Variants in REXO5 observed in about 807,000 individuals in gnomAD.
The protein encoded by REXO5 is RNA exonuclease 5.
A neutral mutation model predicts 88.5 loss-of-function variants in REXO5; 48 were observed. The ratio of observed to expected loss-of-function variants is 0.54; its 90% confidence interval spans 0.43 to 0.69. The LOEUF (loss-of-function observed/expected upper bound fraction) is 0.69, where lower values mean the gene tolerates loss of function less well. REXO5 is among the 30% of genes least tolerant of loss of function. REXO5 has a pLI of 0.00. For synonymous variants in REXO5, 311 were observed against 336.5 expected, an observed-to-expected ratio of 0.92 and a Z score of 0.83; for missense variants, 749 against 912.2, an observed-to-expected ratio of 0.82 and a Z score of 2.30.
intron 2 of REXO5, among the ~76,000 whole-genome samples, chr16:20,808,329 TTTG>T (rs1245171359): frequency 6.6e-6 from 1 of 152,166 alleles, no homozygotes; most frequent in Non-Finnish European, 1.5e-5. Context: ...ATTGGGCTTT[TTTG>T]TTTGTTTTTG....
intron 2 of REXO5, among the ~76,000 whole-genome samples, chr16:20,808,454 A>G (rs2080944820): frequency 1.3e-5 from 2 of 151,182 alleles, no homozygotes; most frequent in South Asian, 4.2e-4. Context: ...CCAGCTATTC[A>G]TTGGTTTTTA....
At chr16:20,849,305 C>A (rs911047234) in intron 19 of REXO5, 94 bp from the exon 20 acceptor site, 1 of 1,225,902 alleles carries the variant, frequency 8.2e-7, no homozygotes, top group African/African-American at 1.5e-5. Context: ...GGCACACACA[C>A]ATACTTGGAA....
intron 11 of REXO5, among the ~76,000 whole-genome samples, chr16:20,830,206 A>G (rs920327624): frequency 6.6e-6 from 1 of 151,948 alleles, no homozygotes; most frequent in Non-Finnish European, 1.5e-5. Flanking sequence ...ATTTTTTTTG[A>G]GACAGAGTCT....
chr16:20,809,434 G>T (rs944411017), intron 2 of REXO5, among the ~76,000 whole-genome samples: 2 of 152,132 alleles, frequency 1.3e-5, no homozygotes, highest in African/African-American at 4.8e-5. Flanking sequence ...AAATTTAATT[G>T]TCATGTCTCC....
Position 20,845,240 on chromosome 16 carries a change from A to C in REXO5, c.2123A>C (p.Gln708Pro). 6.2e-7 allele frequency: 1 copy of C among 1,611,572 alleles called. No individual in the cohort carries two copies. Among genetic ancestry groups the C allele is most frequent in the Non-Finnish European group, 8.5e-7 (1 of 1,178,960 alleles). Residue 708 changes from glutamine to proline, a missense_variant and splice_region_variant, in exon 18 of 20, where the codon CAG becomes CCG. By Grantham distance (76) the Gln-to-Pro change is moderately conservative. Coordinates refer to ENST00000261377, the MANE Select transcript of REXO5 (RefSeq NM_030941.3). Reference protein sequence around the residue: ...VPPPFEQEALQTLKLDHPKIA... With the variant: ...VPPPFEQEALPTLKLDHPKIA... ...CCCCCCTTTGAACAGGAGGCCTTGC[A>C]GGTGAGTGAGTGAAGGCGTCTTGGA... is the stretch of plus-strand genomic sequence containing the variant.
chr16:20,842,279 A>G (rs1273030415), intron 15 of REXO5, among the ~76,000 whole-genome samples: 1 of 151,588 alleles, frequency 6.6e-6, no homozygotes, highest in Non-Finnish European at 1.5e-5. Context: ...TACCTCACAT[A>G]AGTGGAATCA....
In REXO5 at chr16:20,806,935, C is replaced by T. The variant is rs1290021209; in HGVS notation, c.-2-17C>T. On this transcript the variant is annotated splice_polypyrimidine_tract_variant and intron_variant, in intron 1 of 19. Coordinates refer to ENST00000261377, the MANE Select transcript of REXO5 (RefSeq NM_030941.3). ...GGCGCTGGAGTTTCCCCAGCTCTAC[C>T]TCATCTTTCTCCACAGCCATGGAGC... The T allele has an allele frequency of 1.3e-6, 2 of 1,571,896 alleles. No individual in the cohort carries two copies. Among genetic ancestry groups the T allele is most frequent in the Admixed American group, 1.9e-5 (1 of 54,008 alleles).
intron 14 of REXO5, 101 bp downstream of exon 14, chr16:20,839,960 T>G (rs2081500859): frequency 1.3e-6 from 1 of 768,664 alleles, no homozygotes; most frequent in Non-Finnish European, 2.1e-6. Flanking sequence ...GTTGTGTTTT[T>G]CTCTAGATTT....
chr16:20,818,755 G>A (rs976590038), intron 5 of REXO5, among the ~76,000 whole-genome samples: 18 of 152,236 alleles, frequency 1.2e-4, no homozygotes, highest in African/African-American at 4.3e-4. Flanking sequence ...ACAGGCGTGA[G>A]CCACTGCACT....
At chr16:20,815,779 G>T (rs2040751) in intron 4 of REXO5, among the ~76,000 whole-genome samples, 25 of 152,082 alleles carry the variant, frequency 1.6e-4, no homozygotes, top group Admixed American at 3.3e-4. Flanking sequence ...CCTTTTTGCC[G>T]TGTGATACCA....
rs778885192 is a variant in REXO5 at position 20,815,029 on chromosome 16, A to T, written c.354A>T (p.Gly118=). ...LHFYRFYLEF[G]CLRKAFRHKF... ...TTTACAGGTTCTATTTGGAGTTTGG[A>T]TGTCTTCGAAAAGCATTCAGACATG... Residue 118 remains glycine, a synonymous_variant, in exon 4 of 20, where the codon GGA becomes GGT. Coordinates refer to ENST00000261377, the MANE Select transcript of REXO5 (RefSeq NM_030941.3). The T allele has an allele frequency of 2.1e-5, 34 of 1,613,064 alleles. No homozygotes were observed. Among genetic ancestry groups the T allele is most frequent in the Non-Finnish European group, 2.8e-5 (33 of 1,179,886 alleles).
At chr16:20,813,655 G>C (rs2081037447) in intron 3 of REXO5, among the ~76,000 whole-genome samples, 1 of 152,154 alleles carries the variant, frequency 6.6e-6, no homozygotes, top group Non-Finnish European at 1.5e-5. Flanking sequence ...TACAGTATCT[G>C]TCTGGCTACT....
intron 5 of REXO5, 90 bp downstream of exon 5, chr16:20,816,302 T>A (rs1214786994): frequency 9.2e-7 from 1 of 1,091,284 alleles, no homozygotes; most frequent in African/African-American, 1.6e-5. Flanking sequence ...AACTCAATTC[T>A]AACTAGCTTA....
At chr16:20,822,667 T>C (rs1455358656) in intron 6 of REXO5, among the ~76,000 whole-genome samples, 1 of 152,246 alleles carries the variant, frequency 6.6e-6, no homozygotes, top group African/African-American at 2.4e-5. Context: ...ATGTGCAATA[T>C]GTGGGCTTTG....
chr16:20,828,659 T>G (rs1205324125), intron 11 of REXO5, 122 bp downstream of exon 11: 1 of 682,876 alleles, frequency 1.5e-6, no homozygotes, highest in Non-Finnish European at 2.5e-6. Context: ...CCAGGTGCAG[T>G]GGCTCATGCC....
intron 6 of REXO5, 131 bp from the exon 7 acceptor site, chr16:20,824,308 T>C: frequency 1.7e-6 from 1 of 581,956 alleles, no homozygotes; most frequent in East Asian, 2.9e-5. Flanking sequence ...TTAGTCATTG[T>C]ATTTCAAGTG....
intron 5 of REXO5, among the ~76,000 whole-genome samples, chr16:20,818,761 G>A (rs1028110685): frequency 6.6e-6 from 1 of 152,208 alleles, no homozygotes; most frequent in African/African-American, 2.4e-5. Flanking sequence ...GTGAGCCACT[G>A]CACTTGGCCT....
At position 20,806,607 on chromosome 16, in the gene REXO5, C is replaced by T. The variant is rs1012883874; in HGVS notation, c.-101C>T. The T allele has an allele frequency of 2.8e-6, 4 of 1,408,928 alleles. No homozygotes were observed. Among genetic ancestry groups the T allele is most frequent in the Non-Finnish European group, 3.7e-6 (4 of 1,072,060 alleles). The allele number at this position is 1,408,928 out of a possible 1,614,324, so 87.3% of individuals were successfully genotyped here. ...CTTCTGCGTTTCCCGGGCTAGGGGGCGTGGGGAGTGGTTTTAGGCGGCGAA... is the reference window on the plus strand; with the variant it reads ...CTTCTGCGTTTCCCGGGCTAGGGGGTGTGGGGAGTGGTTTTAGGCGGCGAA... On this transcript the variant is annotated 5_prime_UTR_variant, in exon 1 of 20. Coordinates refer to ENST00000261377, the MANE Select transcript of REXO5 (RefSeq NM_030941.3).
chr16:20,840,892 A>C (rs1391237707), intron 15 of REXO5, among the ~76,000 whole-genome samples: 1 of 152,318 alleles, frequency 6.6e-6, no homozygotes, highest in East Asian at 1.9e-4. Flanking sequence ...ATACGAAAAA[A>C]TATGTCTGCT....
Sources: gnomAD v4.1 joint callset for allele counts (sites outside exome capture counted in the v4.1 genomes callset) on GRCh38, gnomAD v4.1.1 for gene constraint, MANE v1.5 for transcripts, NCBI Gene and HGNC (gene_info 2026-07-23, HGNC 2026-07-21) for gene names.